Variants in TSGA10 observed in about 807,000 individuals in gnomAD.
The protein encoded by TSGA10 is testis specific 10, also known as testis-specific gene 10 protein.
Under a neutral mutation model 96.6 loss-of-function variants are expected in TSGA10, and 43 were observed. That is an observed-to-expected ratio of 0.44 (90% CI 0.35 to 0.57). The LOEUF (loss-of-function observed/expected upper bound fraction) is 0.57, where lower values mean the gene tolerates loss of function less well. Among genes scored for constraint, TSGA10 ranks in the 20% least tolerant of loss-of-function variants. The pLI is 0.01. For missense variants in TSGA10, 703 were observed against 834.4 expected, an observed-to-expected ratio of 0.84 and a Z score of 1.94; for synonymous variants, 229 against 269.9, an observed-to-expected ratio of 0.85 and a Z score of 1.48.
chr2:99,074,366 G>GTGTGTGTGTGTA (rs1323068925), intron 12 of TSGA10, among the ~76,000 whole-genome samples: 9 of 151,760 alleles, frequency 5.9e-5, no homozygotes, highest in African/African-American at 2.2e-4. Flanking sequence ...GTGTGTGTGT[G>GTGTGTGTGTGTA]TGTGTGTGTG....
intron 12 of TSGA10, among the ~76,000 whole-genome samples, chr2:99,076,809 T>G (rs2086745977): frequency 6.6e-6 from 1 of 152,156 alleles, no homozygotes; most frequent in African/African-American, 2.4e-5. Flanking sequence ...CTCATTGTCT[T>G]CTTTCCCTGA....
chr2:99,071,993 G>T, intron 13 of TSGA10, 119 bp from the exon 14 acceptor site: 1 of 871,516 alleles, frequency 1.1e-6, no homozygotes, highest in Non-Finnish European at 1.7e-6. Flanking sequence ...TTTTAAACAC[G>T]TTTGAATTTA....
intron 10 of TSGA10, among the ~76,000 whole-genome samples, chr2:99,090,507 A>C (rs919763222): frequency 6.6e-6 from 1 of 152,212 alleles, no homozygotes; most frequent in African/African-American, 2.4e-5. Context: ...GCAAAGTGTA[A>C]TTTAATGAAA....
At chr2:99,108,246 A>G (rs2091517310) in intron 7 of TSGA10, among the ~76,000 whole-genome samples, 1 of 152,178 alleles carries the variant, frequency 6.6e-6, no homozygotes, top group South Asian at 2.1e-4. Context: ...TCATTTTTCT[A>G]TCCCTTAGAG....
intron 10 of TSGA10, among the ~76,000 whole-genome samples, chr2:99,090,443 A>G (rs1318598989): frequency 6.6e-6 from 1 of 152,208 alleles, no homozygotes; most frequent in African/African-American, 2.4e-5. Context: ...TTCTTGCCAG[A>G]AAAAGAATTC....
intron 2 of TSGA10, among the ~76,000 whole-genome samples, chr2:99,124,457 T>C (rs1383501347): frequency 6.6e-6 from 1 of 152,176 alleles, no homozygotes; most frequent in Admixed American, 6.5e-5. Context: ...TTACAAAAAA[T>C]TGATTAGGAA....
chr2:99,147,182 A>C (rs914150379), intron 1 of TSGA10: 28 of 356,440 alleles, frequency 7.9e-5, no homozygotes, highest in South Asian at 2.6e-4. Context: ...TTTTTTTCTG[A>C]TAGGGATGAG....
intron 7 of TSGA10, 92 bp downstream of exon 7, chr2:99,108,741 A>G: frequency 1.2e-6 from 1 of 834,774 alleles, no homozygotes. Flanking sequence ...CTTGATTTGC[A>G]GGTTTAAGCA....
At chr2:98,999,017 G>A (rs543494263) in intron 20 of TSGA10, among the ~76,000 whole-genome samples, 21 of 152,026 alleles carry the variant, frequency 1.4e-4, no homozygotes, top group African/African-American at 4.6e-4. Context: ...TGCCTCAGCC[G>A]CCTGAGTAGC....
intron 18 of TSGA10, among the ~76,000 whole-genome samples, chr2:99,019,427 A>G (rs1213354882): frequency 6.6e-6 from 1 of 152,208 alleles, no homozygotes; most frequent in Non-Finnish European, 1.5e-5. Flanking sequence ...TGTTGAAGGA[A>G]TCATAATAGG....
At chr2:99,090,433 T>A (rs986789944) in intron 10 of TSGA10, among the ~76,000 whole-genome samples, 1 of 152,186 alleles carries the variant, frequency 6.6e-6, no homozygotes, top group African/African-American at 2.4e-5. Flanking sequence ...TTTAGATTTC[T>A]TCTTGCCAGA....
chr2:99,020,614 T>A, intron 17 of TSGA10, 132 bp from the exon 18 acceptor site: 1 of 626,096 alleles, frequency 1.6e-6, no homozygotes, highest in Non-Finnish European at 2.8e-6. Flanking sequence ...TGAAATTGTG[T>A]CCCTCCTTCT....
intron 20 of TSGA10, among the ~76,000 whole-genome samples, chr2:99,015,887 T>C (rs1466892245): frequency 6.6e-6 from 1 of 152,060 alleles, no homozygotes; most frequent in Admixed American, 6.6e-5. Context: ...CTCAACTCCT[T>C]TTACAATGGC....
In TSGA10 at chr2:99,151,706, T is replaced by C. The variant is rs563795378; in HGVS notation, c.-621+2987A>G. On this transcript the variant is annotated intron_variant, in intron 1 of 20. Coordinates refer to ENST00000393483, the MANE Select transcript of TSGA10 (RefSeq NM_025244.4). ...AAATCGTGCCTTTAAAACTGCTTTT[T>C]CCCCCCACATAGAATCCATTTTAGA... is the stretch of plus-strand genomic sequence containing the variant. Among the ~76,000 whole-genome samples the C allele has an allele frequency of 2.0e-5, 3 of 152,284 alleles. No individual in the cohort carries two copies. In the South Asian group the frequency reaches 6.2e-4, roughly 32 times the overall value.
chr2:99,139,895 A>G (rs11677247), intron 1 of TSGA10, among the ~76,000 whole-genome samples: 89,833 of 151,966 alleles, frequency 0.59, 27,494 homozygotes, highest in East Asian at 0.88. Flanking sequence ...GGAGGGAAAG[A>G]AATATGTAAT....
At chr2:99,013,675 C>G (rs1318891945) in intron 20 of TSGA10, among the ~76,000 whole-genome samples, 1 of 151,678 alleles carries the variant, frequency 6.6e-6, no homozygotes, top group African/African-American at 2.4e-5. Context: ...TGGAAATTAC[C>G]TCCAAAAGGA....
intron 10 of TSGA10, among the ~76,000 whole-genome samples, chr2:99,101,582 G>A (rs1340339117): frequency 6.6e-6 from 1 of 151,958 alleles, no homozygotes; most frequent in East Asian, 1.9e-4. Flanking sequence ...AAAGAAAAAA[G>A]AGTAAAAAGA....
rs112699669 is a variant in TSGA10, at chr2:99,093,735, G to C, written c.611+10232C>G. Among the ~76,000 whole-genome samples, 185 of 152,010 alleles carry C rather than the reference G, an allele frequency of 1.2e-3. 2 individuals carry two copies. The highest frequency in any genetic ancestry group is 4.1e-3 in the African/African-American group (170 of 41,494). ...TCTACAAGGAAAACTATAAAACACT[G>C]CTGAAAGACATCACAGACGACACAA... On this transcript the variant is annotated intron_variant, in intron 10 of 20. Transcript: ENST00000393483.
intron 1 of TSGA10, among the ~76,000 whole-genome samples, chr2:99,152,246 G>A (rs868109581): frequency 1.3e-5 from 2 of 152,108 alleles, no homozygotes; most frequent in South Asian, 2.1e-4. Context: ...ATGAAGAAAC[G>A]TATAGCATTC....
Sources: allele counts gnomAD v4.1 joint callset (sites outside exome capture counted in the v4.1 genomes callset), GRCh38; gene constraint gnomAD v4.1.1; transcripts MANE v1.5; gene names NCBI Gene and HGNC (gene_info 2026-07-23, HGNC 2026-07-21).